OGG1: variants seen among roughly 807,000 people sequenced by gnomAD.
OGG1 encodes 8-oxoguanine DNA glycosylase, also known as N-glycosylase/DNA lyase.
OGG1 carries 35 observed loss-of-function variants against 42.3 expected under a neutral mutation model. The observed-to-expected ratio is 0.83, with a 90% CI of 0.63 to 1.10. The LOEUF (loss-of-function observed/expected upper bound fraction) is 1.10, where lower values mean the gene tolerates loss of function less well. Ranked by LOEUF, OGG1 falls within the 50% of genes least tolerant of loss-of-function variation. The probability of loss-of-function intolerance (pLI) is 0.00; values close to 1 mark genes in which losing one functional copy is unlikely to be tolerated. For missense variants in OGG1, 484 were observed against 446.7 expected (o/e 1.08, Z -0.75); for synonymous variants, 189 against 179.0 (o/e 1.06, Z -0.44).
chr3:9,770,590 T>C (rs1575274933), downstream of OGG1, among the ~76,000 whole-genome samples: 1 of 151,844 alleles, frequency 6.6e-6, no homozygotes, highest in African/African-American at 2.4e-5. Flanking sequence ...GCAGAGGGAA[T>C]TGGGGAGGAG....
At chr3:9,754,573 C>T (rs1389812124) in intron 3 of OGG1, 131 bp from the exon 4 acceptor site, 2 of 927,158 alleles carry the variant, frequency 2.2e-6, no homozygotes, top group Admixed American at 2.0e-5. Context: ...TCCACTATCC[C>T]ATAGAGGGTG....
rs778068160 is a variant in OGG1, at chr3:9,751,121, C to A, written c.314C>A (p.Thr105Asn). Residue 105 changes from threonine (T) to asparagine (N), a missense_variant, in exon 2 of 7, where the codon ACC (threonine) becomes AAC (asparagine). Thr to Asn is a moderately conservative substitution (Grantham distance 65, BLOSUM62 0). Coordinates refer to ENST00000344629, the MANE Select transcript of OGG1 (RefSeq NM_002542.6). ...AVRKYFQLDVTLAQLYHHWGS... is the reference protein window; with the variant it reads ...AVRKYFQLDVNLAQLYHHWGS... Reference sequence around the variant, plus strand: ...CGCAAGTACTTCCAGCTAGATGTTACCCTGGCTCAACTGTATCACCACTGG... The same window carrying A: ...CGCAAGTACTTCCAGCTAGATGTTAACCTGGCTCAACTGTATCACCACTGG... 2 of 1,614,150 alleles carry A rather than the reference C, an allele frequency of 1.2e-6. No individual in the cohort carries two copies. Among genetic ancestry groups the A allele is most frequent in the Non-Finnish European group, 1.7e-6 (2 of 1,180,024 alleles).
At chr3:9,766,085 C>T in exon 8 of OGG1, 1 of 1,529,100 alleles carries the variant, frequency 6.5e-7, no homozygotes. Context: ...AGTCTCTCCC[C>T]TGGCCACAGT....
chr3:9,776,432 C>CA (rs1398576176), intron 2 of OGG1, among the ~76,000 whole-genome samples: 65 of 147,252 alleles, frequency 4.4e-4, no homozygotes, highest in African/African-American at 1.6e-3. Context: ...CTCTGTTACC[C>CA]AGGCTGGAGT....
downstream of OGG1, chr3:9,758,910 G>A (rs530612144): frequency 1.8e-4 from 75 of 405,878 alleles, no homozygotes; most frequent in Non-Finnish European, 3.4e-4. Context: ...GATTACAGGC[G>A]TGAGCCACCA....
chr3:9,782,730 G>T (rs2078506731), intron 3 of OGG1, among the ~76,000 whole-genome samples: 1 of 150,364 alleles, frequency 6.7e-6, no homozygotes, highest in African/African-American at 2.4e-5. Context: ...GGCGGAGGTT[G>T]CAGTGAGCCG....
downstream of OGG1, chr3:9,759,906 G>A: frequency 8.2e-7 from 1 of 1,226,860 alleles, no homozygotes; most frequent in Non-Finnish European, 1.1e-6. Flanking sequence ...TCTTCTTCAG[G>A]CCCTCCCACC....
rs753579438 is a variant in OGG1, at chr3:9,757,100, C to T, written c.988C>T (p.Gln330Ter). ...SADLRQSRHA[Q>*]EPPAKRRKGS... ...CGACCTGCGCCAATCCCGCCATGCT[C>T]AGGAGCCACCAGCAAAGCGCAGAAA... Residue 330 changes from glutamine to a stop codon, truncating the protein, a stop_gained, in exon 7 of 7, where the codon CAG (glutamine) becomes TAG (stop). Transcript: ENST00000344629. LOFTEE classifies it high-confidence loss of function. This position sits in a 1 kb window ranked among gnomAD's most constrained non-coding sequence, Gnocchi z 4.5. 6.2e-7 allele frequency: 1 copy of T among 1,614,160 alleles called. No individual in the cohort carries two copies. The highest frequency in any genetic ancestry group is 1.7e-5 in the Admixed American group (1 of 60,010).
intron 3 of OGG1, chr3:9,785,363 C>A (rs1313749538): frequency 2.5e-6 from 4 of 1,614,042 alleles, no homozygotes; most frequent in Non-Finnish European, 3.4e-6. Context: ...CCCCGTCAGC[C>A]CCTGATTCTT....
At chr3:9,777,964 C>T (rs1414996567) in intron 2 of OGG1, among the ~76,000 whole-genome samples, 1 of 152,106 alleles carries the variant, frequency 6.6e-6, no homozygotes, top group Non-Finnish European at 1.5e-5. Context: ...GAGTGGGGCC[C>T]CAGTGAGTTG....
intron 2 of OGG1, among the ~76,000 whole-genome samples, chr3:9,779,451 C>A (rs926329997): frequency 2.0e-5 from 3 of 151,898 alleles, no homozygotes; most frequent in African/African-American, 7.3e-5. Flanking sequence ...GAAGGACTCA[C>A]CTTAGGCAGA....
At chr3:9,761,937 G>A (rs2077897110), downstream of OGG1, 3 of 832,708 alleles carry the variant, frequency 3.6e-6, no homozygotes, top group South Asian at 1.8e-5. Context: ...GGAAGGACAA[G>A]GCTCAAGAGG....
At chr3:9,764,273 G>C (rs1389448046) in intron 7 of OGG1, among the ~76,000 whole-genome samples, 1 of 152,218 alleles carries the variant, frequency 6.6e-6, no homozygotes, top group Non-Finnish European at 1.5e-5. Context: ...ATACTCATAA[G>C]TGAAACAATA....
downstream of OGG1, among the ~76,000 whole-genome samples, chr3:9,789,166 G>A (rs537310894): frequency 2.6e-5 from 4 of 152,294 alleles, no homozygotes; most frequent in African/African-American, 7.2e-5. Context: ...AAGAAGAAAG[G>A]TTCCTCCAGA....
At chr3:9,762,991 C>T (rs755234937) in intron 7 of OGG1, 10 of 1,614,028 alleles carry the variant, frequency 6.2e-6, no homozygotes, top group African/African-American at 1.3e-5. Context: ...AGGCGGCTGG[C>T]GTCCCGCTCC....
At position 9,757,102 on chromosome 3, in the gene OGG1, G is replaced by C; in HGVS notation, c.990G>C (p.Gln330His). 1 of 1,614,162 alleles carries C rather than the reference G, an allele frequency of 6.2e-7. No homozygotes were observed. The highest frequency in any genetic ancestry group is 8.5e-7 in the Non-Finnish European group (1 of 1,180,032). The change falls in exon 7 of 7, where the codon CAG becomes CAC. Residue 330 changes from glutamine (Q) to histidine (H), a missense_variant. By Grantham distance (24) the Gln-to-His change is conservative. Transcript: ENST00000344629. The surrounding 1 kb of genome is among the most constrained non-coding windows in gnomAD (Gnocchi z 4.5). ...SADLRQSRHA[Q>H]EPPAKRRKGS... ...ACCTGCGCCAATCCCGCCATGCTCA[G>C]GAGCCACCAGCAAAGCGCAGAAAGG... is the stretch of plus-strand genomic sequence containing the variant.
chr3:9,760,946 T>A (rs7609858), downstream of OGG1: 225,585 of 944,830 alleles, frequency 0.24, 29,570 homozygotes, highest in East Asian at 0.52. Context: ...CTGTTCCTTG[T>A]ATGTGCCGCC....
chr3:9,773,859 A>C (rs2078333005), intron 2 of OGG1, among the ~76,000 whole-genome samples: 2 of 151,446 alleles, frequency 1.3e-5, no homozygotes, highest in Admixed American at 6.6e-5. Context: ...TACCTGGCTA[A>C]TTTTTTTTAG....
downstream of OGG1, chr3:9,758,016 A>C (rs1329664481): frequency 1.9e-5 from 19 of 980,046 alleles, no homozygotes; most frequent in Non-Finnish European, 2.8e-5. Context: ...TTTATTATAT[A>C]TTTACACACA....
Sources: gnomAD v4.1 joint callset for allele counts (sites outside exome capture counted in the v4.1 genomes callset) on GRCh38, gnomAD v4.1.1 for gene constraint, Gnocchi (gnomAD v3.1) non-coding constraint, MANE v1.5 for transcripts, NCBI Gene and HGNC (gene_info 2026-07-23, HGNC 2026-07-21) for gene names.